The following MGAM2 variants were observed in gnomAD, a reference collection of about 807,000 sequenced individuals.
The protein encoded by MGAM2 is maltase-glucoamylase 2 (putative), also known as probable maltase-glucoamylase 2.
In MGAM2, 98 loss-of-function variants were observed where a neutral mutation model predicts 96.1. The ratio of observed to expected loss-of-function variants is 1.02; its 90% CI spans 0.87 to 1.21. The LOEUF (loss-of-function observed/expected upper bound fraction) is 1.21. Among genes scored for constraint, MGAM2 ranks in the 50% most tolerant of loss-of-function variants. MGAM2 has a pLI of 0.00. For missense variants in MGAM2, 2,055 were observed against 1,182.4 expected, an observed-to-expected ratio of 1.74 and a Z score of -10.82; for synonymous variants, 749 against 414.8, an observed-to-expected ratio of 1.81 and a Z score of -9.79.
chr7:142,133,160 A>G (rs1794953502), intron 6 of MGAM2, among the ~76,000 whole-genome samples: 1 of 140,194 alleles, frequency 7.1e-6, no homozygotes, highest in Non-Finnish European at 1.5e-5. Context: ...TATATTTAAT[A>G]TAAATATTTA....
chr7:142,132,140 C>A (rs184867089), intron 6 of MGAM2, 55 bp downstream of exon 6: 5 of 630,490 alleles, frequency 7.9e-6, no homozygotes, highest in Non-Finnish European at 1.4e-5. Context: ...TAATATTACT[C>A]ATTCTGATTT....
Position 142,160,121 on chromosome 7 carries a change from T to A in MGAM2, c.2221-13T>A. The A allele has an allele frequency of 1.4e-6, 1 of 699,430 alleles. No homozygotes were observed. The highest frequency in any genetic ancestry group is 1.5e-5 in the South Asian group (1 of 66,954). The allele number at this position is 699,430 out of a possible 1,614,324, so 43.3% of individuals were successfully genotyped here. A position where few individuals can be genotyped will look rare whatever the true frequency, so the allele number is the denominator to read the frequency against. On this transcript the variant is annotated splice_polypyrimidine_tract_variant and intron_variant, in intron 20 of 47. Coordinates refer to ENST00000477922, the MANE Select transcript of MGAM2 (RefSeq NM_001293626.2). ...TATTACCTGATCTATCTTTTGTTGT[T>A]GTTGCTGATTAGGGAGTGGCCATCT...
intron 19 of MGAM2, 23 bp downstream of exon 19, chr7:142,158,355 G>A: frequency 2.8e-6 from 2 of 702,856 alleles, no homozygotes; most frequent in Non-Finnish European, 5.2e-6. Context: ...TCTAAACAAT[G>A]AAAGGGGGTA....
chr7:142,159,956 G>T (rs1795840177), intron 20 of MGAM2, among the ~76,000 whole-genome samples, 178 bp from the exon 21 acceptor site: 1 of 152,186 alleles, frequency 6.6e-6, no homozygotes. Flanking sequence ...AAATAAAGGG[G>T]ATTGGAGTGT....
intron 3 of MGAM2, 89 bp from the exon 4 acceptor site, chr7:142,130,859 C>A: frequency 1.6e-6 from 1 of 626,308 alleles, no homozygotes; most frequent in South Asian, 1.8e-5. Context: ...TTAAATTCTC[C>A]TTGGAATAAA....
At chr7:142,113,569 A>G (rs1418066825) in intron 1 of MGAM2, among the ~76,000 whole-genome samples, 3 of 152,084 alleles carry the variant, frequency 2.0e-5, no homozygotes, top group African/African-American at 7.2e-5. Flanking sequence ...GTTATTAATT[A>G]TTTGAAGAAC....
At chr7:142,130,439 AAGAAATGTG>A (rs1290386082) in intron 3 of MGAM2, among the ~76,000 whole-genome samples, 1 of 152,202 alleles carries the variant, frequency 6.6e-6, no homozygotes, top group Non-Finnish European at 1.5e-5. Flanking sequence ...TTTTTGGCAC[AAGAAATGTG>A]TGGTTTTTCT....
At chr7:142,162,128 A>G (rs1335513261) in intron 23 of MGAM2, 124 bp downstream of exon 23, 5 of 493,064 alleles carry the variant, frequency 1.0e-5, no homozygotes, top group East Asian at 3.4e-5. Context: ...TCATGATTCC[A>G]AAAAGGAATC....
At chr7:142,171,013 G>T (rs545472743) in intron 27 of MGAM2, among the ~76,000 whole-genome samples, 2 of 152,296 alleles carry the variant, frequency 1.3e-5, no homozygotes, top group South Asian at 2.1e-4. Context: ...ATAAATAGAA[G>T]AATGAGTTAT....
At chr7:142,127,919 C>A (rs1446959090) in intron 3 of MGAM2, among the ~76,000 whole-genome samples, 3 of 152,070 alleles carry the variant, frequency 2.0e-5, no homozygotes, top group Non-Finnish European at 2.9e-5. Flanking sequence ...TGTAAAGATA[C>A]CTGAAAATGT....
At chr7:142,209,718 T>C (rs1797518115) in intron 46 of MGAM2, among the ~76,000 whole-genome samples, 1 of 152,250 alleles carries the variant, frequency 6.6e-6, no homozygotes, top group African/African-American at 2.4e-5. Flanking sequence ...GGTTTCCAGG[T>C]CTGATCATTC....
chr7:142,213,820 T>A (rs963368352), intron 46 of MGAM2, among the ~76,000 whole-genome samples: 1 of 152,148 alleles, frequency 6.6e-6, no homozygotes, highest in African/African-American at 2.4e-5. Context: ...TTTTATGAGG[T>A]CAGCATCATC....
intron 35 of MGAM2, among the ~76,000 whole-genome samples, chr7:142,186,977 T>C (rs1258538119): frequency 6.6e-6 from 1 of 151,300 alleles, no homozygotes; most frequent in Non-Finnish European, 1.5e-5. Flanking sequence ...TTTTTTCCAA[T>C]GGAGGGAAAG....
intron 10 of MGAM2, among the ~76,000 whole-genome samples, chr7:142,139,814 A>C (rs1010627099): frequency 3.3e-5 from 5 of 152,216 alleles, no homozygotes; most frequent in Middle Eastern, 3.4e-3. Flanking sequence ...TAAAAAAAAA[A>C]ACAGATGGTC....
At chr7:142,120,207 G>A in intron 2 of MGAM2, 95 bp from the exon 3 acceptor site, 2 of 665,240 alleles carry the variant, frequency 3.0e-6, no homozygotes, top group Non-Finnish European at 5.5e-6. Flanking sequence ...CTGTTGTGTG[G>A]AGAATTGGCC....
rs1026740284 is a variant in MGAM2 at position 142,185,099 on chromosome 7, T to C, written c.3947T>C (p.Val1316Ala). The C allele has an allele frequency of 1.4e-6, 1 of 702,870 alleles. No homozygotes were observed. Among genetic ancestry groups the C allele is most frequent in the Non-Finnish European group, 2.6e-6 (1 of 384,948 alleles). 43.5% of individuals were successfully genotyped at this position (702,870 alleles called of 1,614,324 possible). ...TAGGTTTGGCCAGATCTGCCTAATG[T>C]AATTGTAGATGGATCCCTTGACCAT... Reference protein sequence around the residue: ...WGKVWPDLPNVIVDGSLDHET... With the variant: ...WGKVWPDLPNAIVDGSLDHET... Residue 1316 changes from valine to alanine, a missense_variant, in exon 34 of 48, where the codon GTA (valine) becomes GCA (alanine). Val to Ala is a moderately conservative substitution (Grantham distance 64). Coordinates refer to ENST00000477922, the MANE Select transcript of MGAM2 (RefSeq NM_001293626.2).
chr7:142,186,646 G>A (rs1796708479), intron 35 of MGAM2, among the ~76,000 whole-genome samples: 2 of 152,336 alleles, frequency 1.3e-5, no homozygotes, highest in Admixed American at 6.5e-5. Flanking sequence ...ATGTCCAAGG[G>A]CAGCTCTATC....
intron 6 of MGAM2, among the ~76,000 whole-genome samples, chr7:142,133,386 G>T (rs1794965693): frequency 6.6e-6 from 1 of 150,482 alleles, no homozygotes; most frequent in Admixed American, 6.6e-5. Context: ...GGATTTTATT[G>T]TTTTAAATTA....
intron 17 of MGAM2, among the ~76,000 whole-genome samples, chr7:142,156,873 A>T (rs545754313): frequency 4.3e-4 from 66 of 152,324 alleles, no homozygotes; most frequent in African/African-American, 1.5e-3. Flanking sequence ...CTTCCAAATT[A>T]TATGGAAAAT....
Sources: allele counts gnomAD v4.1 joint callset (sites outside exome capture counted in the v4.1 genomes callset), GRCh38; gene constraint gnomAD v4.1.1; transcripts MANE v1.5; gene names NCBI Gene and HGNC (gene_info 2026-07-23, HGNC 2026-07-21).